SLC9A9: variants seen among roughly 807,000 people sequenced by gnomAD.
SLC9A9 encodes the protein sodium/hydrogen exchanger 9.
A neutral mutation model predicts 77.8 loss-of-function variants in SLC9A9; 62 were observed. The observed-to-expected ratio is 0.80, with a 90% CI of 0.65 to 0.98. SLC9A9 has a LOEUF of 0.98. SLC9A9 is among the 50% of genes least tolerant of loss of function. The pLI is 0.00. For synonymous variants in SLC9A9, 320 were observed against 283.5 expected, an observed-to-expected ratio of 1.13 and a Z score of -1.29; for missense variants, 775 against 774.9, an observed-to-expected ratio of 1.00 and a Z score of 0.00.
chr3:143,420,702 C>A (rs1420434776), intron 12 of SLC9A9, among the ~76,000 whole-genome samples: 1 of 152,146 alleles, frequency 6.6e-6, no homozygotes, highest in Non-Finnish European at 1.5e-5. Context: ...AGTGGTTTTA[C>A]ATACATTTAA....
chr3:143,501,413 T>A lies in SLC9A9; in HGVS notation c.1090-5965A>T, dbSNP rs1030503324. Among the ~76,000 whole-genome samples the A allele has an allele frequency of 4.6e-5, 7 of 150,838 alleles. 1 individual carries two copies. Among genetic ancestry groups the A allele is most frequent in the African/African-American group, 1.7e-4 (7 of 40,174 alleles). On this transcript the variant is annotated intron_variant, in intron 9 of 15. Transcript: ENST00000316549. ...ATGAGGATAATTTTAATTATGCAGA[T>A]GCCCATAGAGTGAAAGTTATATAAA... is the stretch of plus-strand genomic sequence containing the variant.
chr3:143,559,382 G>T (rs2037042849), intron 8 of SLC9A9, among the ~76,000 whole-genome samples: 3 of 152,202 alleles, frequency 2.0e-5, no homozygotes, highest in Admixed American at 2.0e-4. Flanking sequence ...TGGTAGAGTA[G>T]CTACTGCGAC....
chr3:143,417,520 T>G (rs1475270459), intron 12 of SLC9A9, among the ~76,000 whole-genome samples: 34 of 119,620 alleles, frequency 2.8e-4, no homozygotes, highest in African/African-American at 3.9e-4. Flanking sequence ...GAGAAAGGGA[T>G]GGATGGAGGG....
chr3:143,602,372 T>C (rs2037859220), intron 6 of SLC9A9, among the ~76,000 whole-genome samples: 1 of 152,188 alleles, frequency 6.6e-6, no homozygotes, highest in Non-Finnish European at 1.5e-5. Flanking sequence ...ACGTGAGATC[T>C]GGGTGAACGT....
chr3:143,780,504 T>A (rs545334168), intron 4 of SLC9A9, among the ~76,000 whole-genome samples: 3 of 152,244 alleles, frequency 2.0e-5, no homozygotes, highest in Admixed American at 6.5e-5. Flanking sequence ...GATTTGTTTA[T>A]AATGTAGTTT....
intron 14 of SLC9A9, among the ~76,000 whole-genome samples, chr3:143,351,143 G>C (rs894315077): frequency 5.3e-5 from 8 of 151,836 alleles, no homozygotes; most frequent in African/African-American, 1.9e-4. Context: ...CACAACCCAG[G>C]GTACATGCAC....
At chr3:143,725,819 T>A (rs1934636268) in intron 4 of SLC9A9, among the ~76,000 whole-genome samples, 1 of 150,930 alleles carries the variant, frequency 6.6e-6, no homozygotes, top group East Asian at 1.9e-4. Flanking sequence ...CACACCAGCA[T>A]GGCACATGTA....
intron 4 of SLC9A9, among the ~76,000 whole-genome samples, chr3:143,741,409 C>T (rs749349261): frequency 7.2e-5 from 11 of 152,148 alleles, no homozygotes; most frequent in African/African-American, 2.4e-4. Flanking sequence ...AAATATAAAA[C>T]AAACATCCAC....
At chr3:143,591,672 G>A (rs1158046075) in intron 6 of SLC9A9, among the ~76,000 whole-genome samples, 1 of 146,008 alleles carries the variant, frequency 6.8e-6, no homozygotes, top group East Asian at 1.9e-4. Flanking sequence ...CAGAGTCAGA[G>A]GCTAGATATA....
rs371352162 is a variant in SLC9A9 at position 143,340,568 on chromosome 3, A to G, written c.1604+22916T>C. 2.4e-4 allele frequency among the ~76,000 whole-genome samples: 36 copies of G among 152,028 alleles called. 1 individual carries two copies. The South Asian group carries it at 7.3e-3, about 31-fold the overall frequency. ...TATAGCTAGTGGAGGCTTTGAAGAGACTCTTAGAGAGGTTTCAGTTCAGAT... is the reference window on the plus strand; with the variant it reads ...TATAGCTAGTGGAGGCTTTGAAGAGGCTCTTAGAGAGGTTTCAGTTCAGAT... On this transcript the variant is annotated intron_variant, in intron 14 of 15. Transcript: ENST00000316549.
Position 143,296,291 on chromosome 3 carries a change from C to A in SLC9A9, c.1605-27311G>T, listed in dbSNP as rs564016775. The stretch of plus-strand genomic sequence containing the variant: ...CTGTGAGTTTAATTATTTTGGATAC[C>A]TCATGTAAGTGGAACCATGCAGTAT... On this transcript the variant is annotated intron_variant, in intron 14 of 15. Transcript: ENST00000316549. Among the ~76,000 whole-genome samples, 10 of 152,298 alleles carry A rather than the reference C, an allele frequency of 6.6e-5. No homozygotes were observed. In the South Asian group the frequency reaches 2.1e-3, roughly 32 times the overall value.
chr3:143,523,139 A>T (rs1448307199), intron 9 of SLC9A9, among the ~76,000 whole-genome samples: 2 of 152,194 alleles, frequency 1.3e-5, no homozygotes, highest in Admixed American at 6.5e-5. Context: ...GCACCTCCAG[A>T]ATCATATAAA....
intron 12 of SLC9A9, among the ~76,000 whole-genome samples, chr3:143,389,074 T>C (rs1576464593): frequency 6.6e-6 from 1 of 152,158 alleles, no homozygotes; most frequent in Non-Finnish European, 1.5e-5. Context: ...GTGGACAGAG[T>C]TGCTTTGGAT....
At chr3:143,758,354 T>C (rs1435326807) in intron 4 of SLC9A9, among the ~76,000 whole-genome samples, 1 of 152,194 alleles carries the variant, frequency 6.6e-6, no homozygotes, top group Non-Finnish European at 1.5e-5. Context: ...TGATCACATG[T>C]TATAATATTC....
chr3:143,366,381 C>G (rs1389154520), intron 13 of SLC9A9, among the ~76,000 whole-genome samples: 4 of 152,198 alleles, frequency 2.6e-5, no homozygotes, highest in African/African-American at 9.7e-5. Context: ...CAAAGTCACA[C>G]CACTAGAAGG....
intron 4 of SLC9A9, among the ~76,000 whole-genome samples, chr3:143,696,569 C>T (rs1933646877): frequency 6.6e-6 from 1 of 152,196 alleles, no homozygotes; most frequent in South Asian, 2.1e-4. Context: ...TCCCTTCAGC[C>T]TCTTCTGGCA....
intron 13 of SLC9A9, among the ~76,000 whole-genome samples, chr3:143,368,201 G>A (rs1328884575): frequency 6.6e-6 from 1 of 152,126 alleles, no homozygotes; most frequent in Non-Finnish European, 1.5e-5. Flanking sequence ...AGCAGGCAGT[G>A]GATAGTTTTC....
intron 9 of SLC9A9, chr3:143,503,906 G>A: frequency 2.7e-6 from 1 of 373,046 alleles, no homozygotes; most frequent in African/African-American, 2.1e-5. Context: ...AGAGGAGGGG[G>A]CAGAGATGAT....
chr3:143,518,252 C>T, intron 9 of SLC9A9: 1 of 1,566,806 alleles, frequency 6.4e-7, no homozygotes, highest in Non-Finnish European at 8.7e-7. Flanking sequence ...GTGGGCGAAG[C>T]TCAGGGGCTG....
Sources: allele counts gnomAD v4.1 joint callset (sites outside exome capture counted in the v4.1 genomes callset), GRCh38; gene constraint gnomAD v4.1.1; transcripts MANE v1.5; gene names NCBI Gene and HGNC (gene_info 2026-07-23, HGNC 2026-07-21).